GFRA1: variants seen among roughly 807,000 people sequenced by gnomAD.
GFRA1 encodes the protein GDNF family receptor alpha 1, also known as GDNF family receptor alpha-1.
Under a neutral mutation model 51.6 loss-of-function variants are expected in GFRA1, and 16 were observed. The observed-to-expected ratio is 0.31, with a 90% CI of 0.21 to 0.47. GFRA1 has a LOEUF of 0.47. Ranked by LOEUF, GFRA1 falls within the 20% of genes least tolerant of loss-of-function variation. The pLI is 1.00. For synonymous variants in GFRA1, 270 were observed against 241.3 expected, an observed-to-expected ratio of 1.12 and a Z score of -1.10; for missense variants, 530 against 594.3, an observed-to-expected ratio of 0.89 and a Z score of 1.13.
chr10:116,267,484 C>CA (rs1184405413), intron 4 of GFRA1, among the ~76,000 whole-genome samples: 270 of 148,226 alleles, frequency 1.8e-3, no homozygotes, highest in East Asian at 0.015. Context: ...AACAAACAAA[C>CA]AAAAAAAAAA....
chr10:116,255,495 G>GA (rs56869104), intron 4 of GFRA1: 45,204 of 644,016 alleles, frequency 0.07, no homozygotes, highest in South Asian at 0.09. Context: ...GAATCATCAG[G>GA]AAAAAAAAAA....
chr10:116,246,536 G>A (rs1037726354), intron 4 of GFRA1, among the ~76,000 whole-genome samples: 2 of 152,028 alleles, frequency 1.3e-5, no homozygotes, highest in African/African-American at 4.8e-5. Flanking sequence ...TACAACATAG[G>A]CTAGTAATTA....
At chr10:116,129,790 C>T (rs1958029138) in intron 5 of GFRA1, among the ~76,000 whole-genome samples, 1 of 151,936 alleles carries the variant, frequency 6.6e-6, no homozygotes, top group Non-Finnish European at 1.5e-5. Flanking sequence ...TGTTTGTACA[C>T]ATTTATAAGG....
chr10:116,181,222 G>A (rs748749719), intron 5 of GFRA1, among the ~76,000 whole-genome samples: 1 of 152,202 alleles, frequency 6.6e-6, no homozygotes, highest in Non-Finnish European at 1.5e-5. Context: ...TTGTTGAAAA[G>A]CAGACATCAG....
intron 5 of GFRA1, among the ~76,000 whole-genome samples, chr10:116,199,209 C>T (rs1964139998): frequency 6.6e-6 from 1 of 152,170 alleles, no homozygotes; most frequent in Non-Finnish European, 1.5e-5. Context: ...TTTATTATAG[C>T]ATCCTAAGTA....
At chr10:116,172,527 A>G (rs1192877663) in intron 5 of GFRA1, among the ~76,000 whole-genome samples, 1 of 152,178 alleles carries the variant, frequency 6.6e-6, no homozygotes, top group African/African-American at 2.4e-5. Context: ...AAGGCTTCCA[A>G]GAGGAAACGG....
intron 4 of GFRA1, among the ~76,000 whole-genome samples, chr10:116,244,044 C>T (rs945303841): frequency 6.6e-6 from 1 of 152,026 alleles, no homozygotes; most frequent in East Asian, 1.9e-4. Context: ...CTTAAAGACC[C>T]TATGTAGGAA....
chr10:116,121,634 A>G (rs1313028213), intron 6 of GFRA1, among the ~76,000 whole-genome samples: 1 of 152,224 alleles, frequency 6.6e-6, no homozygotes, highest in Non-Finnish European at 1.5e-5. Context: ...GAGCTTGAAC[A>G]GCTCTTTGAT....
intron 5 of GFRA1, among the ~76,000 whole-genome samples, chr10:116,191,473 A>G (rs1400407962): frequency 1.3e-5 from 2 of 152,066 alleles, no homozygotes; most frequent in Non-Finnish European, 2.9e-5. Context: ...TTTTCAGCAC[A>G]TTGTGAAAAA....
rs1565644154 is a variant in GFRA1 at position 116,196,844 on chromosome 10, TATA to T, written c.433+14784_433+14786del. Among the ~76,000 whole-genome samples, 39 of 83,756 alleles carry T rather than the reference TATA, an allele frequency of 4.7e-4. 1 individual carries two copies. Among genetic ancestry groups the T allele is most frequent in the East Asian group, 9.7e-4 (3 of 3,100 alleles). The allele number at this position is 83,756 out of a possible 152,430, so 54.9% of individuals were successfully genotyped here. On this transcript the variant is annotated intron_variant, in intron 5 of 10. Coordinates refer to ENST00000355422, the MANE Select transcript of GFRA1 (RefSeq NM_005264.8). ...AAAAATACTTATAAATATATATATA[TATA>T]TTTTTTTTCCCTCCCACAGTTCTGG...
intron 5 of GFRA1, 30 bp from the exon 6 acceptor site, chr10:116,125,587 C>T (rs1422975498): frequency 3.2e-6 from 5 of 1,551,204 alleles, no homozygotes; most frequent in Non-Finnish European, 4.4e-6. Context: ...CAGGCATGGT[C>T]ACAGTGCTCG....
chr10:116,184,614 G>C (rs1211205427), intron 5 of GFRA1, among the ~76,000 whole-genome samples: 1 of 152,224 alleles, frequency 6.6e-6, no homozygotes, highest in Non-Finnish European at 1.5e-5. Context: ...CTCAAGAGGA[G>C]GTGGCACTAC....
intron 6 of GFRA1, among the ~76,000 whole-genome samples, chr10:116,121,307 T>G (rs576583086): frequency 2.8e-4 from 43 of 152,230 alleles, no homozygotes; most frequent in African/African-American, 1.0e-3. Context: ...GGGGGAAGAC[T>G]GTGAGGCTTT....
rs184692990 is a variant in GFRA1 at position 116,194,950 on chromosome 10, T to C, written c.433+16681A>G. ...TCTGTAAAGAGCCAGGCAATAAATG[T>C]TTTCAGCGTTTATCGTGCAGGCCAT... On this transcript the variant is annotated intron_variant, in intron 5 of 10. Transcript: ENST00000355422. Among the ~76,000 whole-genome samples, 317 of 152,300 alleles carry C rather than the reference T, an allele frequency of 2.1e-3. 2 individuals are homozygous for C. The highest frequency in any genetic ancestry group is 1.9e-3 in the Non-Finnish European group (132 of 68,038).
At chr10:116,254,650 G>C (rs1216353399) in intron 4 of GFRA1, among the ~76,000 whole-genome samples, 2 of 152,180 alleles carry the variant, frequency 1.3e-5, no homozygotes, top group Non-Finnish European at 2.9e-5. Flanking sequence ...CTCAGGGCTG[G>C]GACTTAAGTC....
chr10:116,217,663 C>T (rs1237523543), intron 4 of GFRA1, among the ~76,000 whole-genome samples: 1 of 152,186 alleles, frequency 6.6e-6, no homozygotes, highest in Non-Finnish European at 1.5e-5. Context: ...GTCATAAAAA[C>T]TCAGGTTCTG....
At chr10:116,261,628 T>A (rs1396618210) in intron 4 of GFRA1, among the ~76,000 whole-genome samples, 2 of 152,188 alleles carry the variant, frequency 1.3e-5, no homozygotes, top group Non-Finnish European at 2.9e-5. Context: ...ATACATTGAA[T>A]AAATCATACT....
At chr10:116,087,664 A>G (rs1956155842) in intron 9 of GFRA1, among the ~76,000 whole-genome samples, 1 of 152,166 alleles carries the variant, frequency 6.6e-6, no homozygotes, top group Non-Finnish European at 1.5e-5. Flanking sequence ...CCTTATGATA[A>G]TAGGATCCTG....
chr10:116,146,011 A>G (rs1958784881), intron 5 of GFRA1, among the ~76,000 whole-genome samples: 2 of 151,452 alleles, frequency 1.3e-5, no homozygotes, highest in East Asian at 1.9e-4. Context: ...CAAAGTGTAC[A>G]CACACACACA....
Sources: allele counts gnomAD v4.1 joint callset (sites outside exome capture counted in the v4.1 genomes callset), GRCh38; gene constraint gnomAD v4.1.1; transcripts MANE v1.5; gene names NCBI Gene and HGNC (gene_info 2026-07-23, HGNC 2026-07-21).